Variants in AVL9 observed in about 807,000 individuals in gnomAD.
AVL9 encodes late secretory pathway protein AVL9 homolog.
A neutral mutation model predicts 79.2 loss-of-function variants in AVL9; 49 were observed. The ratio of observed to expected loss-of-function variants is 0.62; its 90% CI spans 0.49 to 0.79. The LOEUF is 0.79. Among genes scored for constraint, AVL9 ranks in the 30% least tolerant of loss-of-function variants. The pLI, the probability that AVL9 is intolerant of heterozygous loss-of-function variation, is 0.00. For missense variants in AVL9, 682 were observed against 776.8 expected (o/e 0.88, Z 1.45); for synonymous variants, 299 against 280.6 (o/e 1.07, Z -0.65).
intron 1 of AVL9, among the ~76,000 whole-genome samples, chr7:32,499,496 T>A (rs1484533034): frequency 1.3e-5 from 2 of 152,228 alleles, no homozygotes; most frequent in African/African-American, 4.8e-5. Flanking sequence ...TTTATTGTTT[T>A]GTATACATAG....
At chr7:32,536,403 C>T (rs987595178) in intron 1 of AVL9, 1 of 152,130 alleles carries the variant, frequency 6.6e-6, no homozygotes, top group Non-Finnish European at 1.5e-5. Flanking sequence ...TCTTTAGCCT[C>T]TGTGCCATGA....
At chr7:32,548,144 C>CTCTCTTTTTTTT (rs1227025763) in intron 3 of AVL9, among the ~76,000 whole-genome samples, 3 of 57,594 alleles carry the variant, frequency 5.2e-5, no homozygotes, top group African/African-American at 1.6e-4. Context: ...TTTGTCATCT[C>CTCTCTTTTTTTT]TTTTTTCTTT....
chr7:32,503,706 G>A (rs965489631), intron 1 of AVL9, among the ~76,000 whole-genome samples: 4 of 150,872 alleles, frequency 2.7e-5, no homozygotes, highest in Admixed American at 6.6e-5. Flanking sequence ...GTTTCGAGAC[G>A]GAGTCTCACT....
chr7:32,499,356 CTGT>C (rs779555302), intron 1 of AVL9, among the ~76,000 whole-genome samples: 60 of 7,088 alleles, frequency 8.5e-3, no homozygotes, highest in African/African-American at 0.013. Flanking sequence ...CACATTAACT[CTGT>C]TTTTTTTTTT....
chr7:32,541,770 A>C (rs1789220008), intron 1 of AVL9, among the ~76,000 whole-genome samples: 1 of 150,780 alleles, frequency 6.6e-6, no homozygotes, highest in Non-Finnish European at 1.5e-5. Flanking sequence ...GCTGCAGTGC[A>C]GTGGCGCAAT....
At chr7:32,569,915 C>T in intron 10 of AVL9, 105 bp from the exon 11 acceptor site, 1 of 1,095,358 alleles carries the variant, frequency 9.1e-7, no homozygotes, top group Non-Finnish European at 1.3e-6. Flanking sequence ...ACAGACAGGG[C>T]AAGGAAGAAT....
chr7:32,552,717 TTTTTGTTTGTTTG>T (rs1433311481), intron 6 of AVL9, among the ~76,000 whole-genome samples: 1 of 152,038 alleles, frequency 6.6e-6, no homozygotes, highest in African/African-American at 2.4e-5. Context: ...TAGTTGGTAT[TTTTTGTTTGTTTG>T]TTTTGGGTTT....
rs146490932 is a variant in AVL9, at chr7:32,506,618, G to A, written c.93+10816G>A. ...TTGACCATGACTAACTGGAGCCATT[G>A]AAAATGAAACTGGGCAAGGTGCAGT... is the stretch of plus-strand genomic sequence containing the variant. On this transcript the variant is annotated intron_variant, in intron 1 of 15. Coordinates refer to ENST00000318709, the MANE Select transcript of AVL9 (RefSeq NM_015060.3). Among the ~76,000 whole-genome samples, 1,111 of 152,142 alleles carry A rather than the reference G, an allele frequency of 7.3e-3. 16 individuals carry two copies. The highest frequency in any genetic ancestry group is 0.024 in the African/African-American group (990 of 41,506).
chr7:32,530,072 C>G (rs200179758), intron 1 of AVL9, among the ~76,000 whole-genome samples: 2 of 152,104 alleles, frequency 1.3e-5, no homozygotes, highest in African/African-American at 2.4e-5. Context: ...TAAGACAAAA[C>G]ACATTCTATT....
Position 32,559,469 on chromosome 7 carries a change from AGT to A in AVL9, c.1215+8_1215+9del. On this transcript the variant is annotated splice_donor_region_variant and intron_variant, in intron 10 of 15. Transcript: ENST00000318709. ...CCCCTGGCCATCTTCACAAAGGTAA[AGT>A]GTAATATTTTTTATCGAATTCCTTA... The A allele has an allele frequency of 6.6e-7, 1 of 1,513,512 alleles. No individual in the cohort carries two copies. The highest frequency in any genetic ancestry group is 1.4e-5 in the South Asian group (1 of 73,618). The allele number at this position is 1,513,512 out of a possible 1,614,324, so 93.8% of individuals were successfully genotyped here. A position where few individuals can be genotyped will look rare whatever the true frequency, so the allele number is the denominator to read the frequency against.
At chr7:32,571,511 G>C (rs1447467107) in intron 11 of AVL9, among the ~76,000 whole-genome samples, 2 of 151,888 alleles carry the variant, frequency 1.3e-5, no homozygotes, top group African/African-American at 4.8e-5. Flanking sequence ...TTGGGCGATA[G>C]AGTGAAATTC....
At chr7:32,576,651 T>C (rs1030691937) in intron 13 of AVL9, among the ~76,000 whole-genome samples, 5 of 151,994 alleles carry the variant, frequency 3.3e-5, no homozygotes, top group African/African-American at 4.8e-5. Flanking sequence ...CCAGACGTGG[T>C]AGTGGGCGCC....
At chr7:32,511,724 A>G (rs901851602) in intron 1 of AVL9, among the ~76,000 whole-genome samples, 2 of 152,020 alleles carry the variant, frequency 1.3e-5, no homozygotes, top group African/African-American at 4.8e-5. Flanking sequence ...GTACGCTGGA[A>G]AACTGAACAG....
At chr7:32,499,042 G>GTA in intron 1 of AVL9, among the ~76,000 whole-genome samples, 1 of 75,442 alleles carries the variant, frequency 1.3e-5, no homozygotes, top group Non-Finnish European at 2.7e-5. Context: ...ACATGCCTGT[G>GTA]ATCCCAGCTA....
chr7:32,578,397 C>T (rs2128153580), intron 13 of AVL9, among the ~76,000 whole-genome samples: 1 of 152,316 alleles, frequency 6.6e-6, no homozygotes, highest in South Asian at 2.1e-4. Context: ...TTCAGTAATT[C>T]TTGCATTTCC....
In AVL9 at chr7:32,495,671, G is replaced by A; in HGVS notation, c.-39G>A. ...TGGGGTCGTCAGACCCGCTGCCCTT[G>A]GCGGTCGAAGTCGTCGTGCGGGCCC... On this transcript the variant is annotated 5_prime_UTR_variant, in exon 1 of 16. Coordinates refer to ENST00000318709, the MANE Select transcript of AVL9 (RefSeq NM_015060.3). 1.6e-6 allele frequency: 2 copies of A among 1,234,986 alleles called. No homozygotes were observed. Among genetic ancestry groups the A allele is most frequent in the Non-Finnish European group, 2.1e-6 (2 of 973,226 alleles). 76.5% of individuals were successfully genotyped at this position (1,234,986 alleles called of 1,614,324 possible). A position where few individuals can be genotyped will look rare whatever the true frequency, so the allele number is the denominator to read the frequency against.
chr7:32,548,163 T>A (rs946365051), intron 3 of AVL9, among the ~76,000 whole-genome samples: 10 of 150,132 alleles, frequency 6.7e-5, no homozygotes, highest in Non-Finnish European at 1.5e-4. Context: ...TTTTTTTTTT[T>A]TTGAGACGGA....
intron 1 of AVL9, among the ~76,000 whole-genome samples, chr7:32,498,867 A>AG (rs1480599170): frequency 6.6e-6 from 1 of 151,344 alleles, no homozygotes; most frequent in African/African-American, 2.4e-5. Context: ...ACATTTAACA[A>AG]GGGATACTAA....
intron 10 of AVL9, among the ~76,000 whole-genome samples, chr7:32,568,466 GC>G (rs1320424999): frequency 3.9e-5 from 6 of 152,290 alleles, no homozygotes; most frequent in Admixed American, 3.9e-4. Context: ...CTCCCAAAAT[GC>G]TGGGATTACA....
Sources: allele counts gnomAD v4.1 joint callset (sites outside exome capture counted in the v4.1 genomes callset), GRCh38; gene constraint gnomAD v4.1.1; transcripts MANE v1.5; gene names NCBI Gene and HGNC (gene_info 2026-07-23, HGNC 2026-07-21).